CHCHD6: variants seen among roughly 807,000 people sequenced by gnomAD.
CHCHD6 encodes MICOS complex subunit MIC25.
In CHCHD6, 28 loss-of-function variants were observed where a neutral mutation model predicts 32.3. That is an observed-to-expected ratio of 0.87 (90% confidence interval 0.64 to 1.19). CHCHD6 has a LOEUF of 1.19. CHCHD6 is among the 50% of genes most tolerant of loss of function. CHCHD6 has a pLI of 0.00. For synonymous variants in CHCHD6, 122 were observed against 117.5 expected (o/e 1.04, Z -0.25); for missense variants, 333 against 307.0 (o/e 1.08, Z -0.63).
chr3:126,766,428 G>C, intron 4 of CHCHD6: 1 of 628,454 alleles, frequency 1.6e-6, no homozygotes, highest in Admixed American at 2.0e-5. Flanking sequence ...GAAGTCTCTG[G>C]GAGCATCAAA....
At chr3:126,901,558 A>G (rs2077928238) in intron 5 of CHCHD6, among the ~76,000 whole-genome samples, 1 of 152,236 alleles carries the variant, frequency 6.6e-6, no homozygotes, top group Non-Finnish European at 1.5e-5. Flanking sequence ...ACCAACAGGA[A>G]TTGACTCAAA....
intron 6 of CHCHD6, among the ~76,000 whole-genome samples, chr3:126,915,795 T>TGGGGTCTCTTTTTGAGGC (rs2078159957): frequency 6.6e-6 from 1 of 152,196 alleles, no homozygotes. Flanking sequence ...AGGCTGGTTT[T>TGGGGTCTCTTTTTGAGGC]GGGGTCTCTT....
intron 5 of CHCHD6, among the ~76,000 whole-genome samples, chr3:126,855,606 TGG>T (rs1190605374): frequency 3.3e-5 from 5 of 152,154 alleles, no homozygotes; most frequent in African/African-American, 1.2e-4. Context: ...CTCTCTGGGA[TGG>T]GGAAGCCTTC....
At chr3:126,952,646 G>A (rs965429185) in intron 6 of CHCHD6, among the ~76,000 whole-genome samples, 2 of 152,216 alleles carry the variant, frequency 1.3e-5, no homozygotes, top group Non-Finnish European at 2.9e-5. Flanking sequence ...TCTAAGCAAG[G>A]AGAAGCTGCT....
intron 4 of CHCHD6, among the ~76,000 whole-genome samples, chr3:126,791,981 A>G (rs1938568641): frequency 6.6e-6 from 1 of 152,106 alleles, no homozygotes. Flanking sequence ...GTATTTGTCC[A>G]TCTTTGGCTT....
chr3:126,869,741 T>C (rs1240134047), intron 5 of CHCHD6, among the ~76,000 whole-genome samples: 1 of 152,210 alleles, frequency 6.6e-6, no homozygotes, highest in East Asian at 1.9e-4. Flanking sequence ...GATACTACTT[T>C]TGGCATTTAG....
At chr3:126,875,665 G>A (rs188181685) in intron 5 of CHCHD6, among the ~76,000 whole-genome samples, 3 of 152,328 alleles carry the variant, frequency 2.0e-5, no homozygotes, top group Non-Finnish European at 2.9e-5. Flanking sequence ...GTTTAGAGGT[G>A]CGTCAGTGTC....
At chr3:126,863,583 C>T (rs1247368139) in intron 5 of CHCHD6, among the ~76,000 whole-genome samples, 4 of 123,734 alleles carry the variant, frequency 3.2e-5, no homozygotes, top group Non-Finnish European at 6.6e-5. Context: ...CCACCTCCTC[C>T]TCTTCCTCCA....
intron 4 of CHCHD6, among the ~76,000 whole-genome samples, chr3:126,756,856 T>C (rs773404255): frequency 7.2e-5 from 11 of 152,152 alleles, no homozygotes; most frequent in Non-Finnish European, 1.5e-4. Flanking sequence ...AAGTAGATAA[T>C]AGGTCAGTGG....
At chr3:126,863,490 C>A in intron 5 of CHCHD6, among the ~76,000 whole-genome samples, 1 of 145,936 alleles carries the variant, frequency 6.9e-6, no homozygotes. Context: ...TCACCACCTC[C>A]TCCTCCTCTA....
chr3:126,791,210 G>A (rs1031902865), intron 4 of CHCHD6, among the ~76,000 whole-genome samples: 3 of 152,232 alleles, frequency 2.0e-5, no homozygotes, highest in Admixed American at 1.3e-4. Context: ...GTACCCGGCC[G>A]TTTGAGGTGT....
chr3:126,807,235 A>G (rs80280263), intron 4 of CHCHD6, among the ~76,000 whole-genome samples: 23,832 of 151,972 alleles, frequency 0.16, 2,339 homozygotes, highest in African/African-American at 0.27. Flanking sequence ...TTCAGCCTCC[A>G]TAGTCCCAAA....
At chr3:126,902,973 A>G (rs2077951489) in intron 5 of CHCHD6, among the ~76,000 whole-genome samples, 1 of 152,156 alleles carries the variant, frequency 6.6e-6, no homozygotes, top group South Asian at 2.1e-4. Flanking sequence ...GCAGGCAGAG[A>G]TTAAGTCAAG....
At chr3:126,859,708 G>A (rs1941791328) in intron 5 of CHCHD6, among the ~76,000 whole-genome samples, 2 of 152,160 alleles carry the variant, frequency 1.3e-5, no homozygotes, top group South Asian at 2.1e-4. Context: ...CCATGCACAC[G>A]GCTGATAGAT....
chr3:126,958,737 G>C (rs1284073365), intron 7 of CHCHD6, among the ~76,000 whole-genome samples: 1 of 152,222 alleles, frequency 6.6e-6, no homozygotes, highest in Non-Finnish European at 1.5e-5. Flanking sequence ...GGGAAGCCCT[G>C]GGTAGGACAG....
chr3:126,776,820 G>A (rs947999195), intron 4 of CHCHD6, among the ~76,000 whole-genome samples: 30 of 152,102 alleles, frequency 2.0e-4, no homozygotes, highest in African/African-American at 6.5e-4. Context: ...AATGGTTCAT[G>A]TTATAATCGA....
At chr3:126,785,468 C>G (rs1440696689) in intron 4 of CHCHD6, among the ~76,000 whole-genome samples, 1 of 152,158 alleles carries the variant, frequency 6.6e-6, no homozygotes, top group Non-Finnish European at 1.5e-5. Context: ...CTCCCATAGT[C>G]AAGGGAGAGC....
chr3:126,846,200 C>G (rs771607325), intron 4 of CHCHD6, among the ~76,000 whole-genome samples: 2 of 152,142 alleles, frequency 1.3e-5, no homozygotes, highest in Non-Finnish European at 2.9e-5. Context: ...CTGAAAGAGA[C>G]CCCACTTATA....
intron 1 of CHCHD6, among the ~76,000 whole-genome samples, chr3:126,726,615 T>C (rs1285770676): frequency 6.6e-6 from 1 of 152,192 alleles, no homozygotes; most frequent in Non-Finnish European, 1.5e-5. Context: ...GAGGTACCTG[T>C]GCTTCACTTG....
Sources: gnomAD v4.1 joint callset for allele counts (sites outside exome capture counted in the v4.1 genomes callset) on GRCh38, gnomAD v4.1.1 for gene constraint, MANE v1.5 for transcripts, NCBI Gene and HGNC (gene_info 2026-07-23, HGNC 2026-07-21) for gene names.